YEATS2: variants seen among roughly 807,000 people sequenced by gnomAD.
The protein encoded by YEATS2 is YEATS domain-containing protein 2.
A neutral mutation model predicts 163.2 loss-of-function variants in YEATS2; 77 were observed. The ratio of observed to expected loss-of-function variants is 0.47; its 90% confidence interval spans 0.39 to 0.57. The LOEUF is 0.57. Ranked by LOEUF, YEATS2 falls within the 20% of genes least tolerant of loss-of-function variation. The probability of loss-of-function intolerance (pLI) is 0.00; values close to 1 mark genes in which losing one functional copy is unlikely to be tolerated. For synonymous variants in YEATS2, 631 were observed against 645.1 expected, an observed-to-expected ratio of 0.98 and a Z score of 0.33; for missense variants, 1,549 against 1,729.8, an observed-to-expected ratio of 0.90 and a Z score of 1.85.
At chr3:183,749,582 A>T (rs116253373) in intron 9 of YEATS2, among the ~76,000 whole-genome samples, 1 of 152,304 alleles carries the variant, frequency 6.6e-6, no homozygotes, top group African/African-American at 2.4e-5. Flanking sequence ...TAATGTCCTC[A>T]GATTTCATCC....
At chr3:183,698,327 C>T (rs780193482) in intron 1 of YEATS2, among the ~76,000 whole-genome samples, 4 of 152,168 alleles carry the variant, frequency 2.6e-5, no homozygotes, top group Non-Finnish European at 5.9e-5. Flanking sequence ...CAAGATTTGG[C>T]CCCAGCACCA....
chr3:183,776,232 C>A (rs1722986646), intron 18 of YEATS2, 109 bp downstream of exon 18: 2 of 1,115,630 alleles, frequency 1.8e-6, no homozygotes. Flanking sequence ...AATACTAACA[C>A]CTTAACCGTG....
chr3:183,749,281 G>A (rs914230047), intron 9 of YEATS2, among the ~76,000 whole-genome samples: 6 of 152,144 alleles, frequency 3.9e-5, no homozygotes, highest in African/African-American at 7.2e-5. Flanking sequence ...TAAAAAACAC[G>A]TAACACAAAA....
chr3:183,808,245 GTTTT>G (rs1435607850), intron 29 of YEATS2, 141 bp downstream of exon 29: 2 of 649,524 alleles, frequency 3.1e-6, no homozygotes, highest in Non-Finnish European at 5.1e-6. Context: ...CTCTCTTTTT[GTTTT>G]TTTGTTTTTT....
intron 13 of YEATS2, among the ~76,000 whole-genome samples, chr3:183,760,608 C>T (rs1020399308): frequency 3.3e-5 from 5 of 152,112 alleles, no homozygotes; most frequent in South Asian, 2.1e-4. Flanking sequence ...AGGCGTGAGC[C>T]GCTGCGCCTG....
chr3:183,790,709 G>T lies in YEATS2; in HGVS notation c.2914-88G>T, dbSNP rs571346392. 10 of 1,393,782 alleles carry T rather than the reference G, an allele frequency of 7.2e-6. No individual in the cohort carries two copies. In the African/African-American group the frequency reaches 1.0e-4, roughly 14 times the overall value. The allele number at this position is 1,393,782 out of a possible 1,614,324, so 86.3% of individuals were successfully genotyped here. A position where few individuals can be genotyped will look rare whatever the true frequency, so the allele number is the denominator to read the frequency against. On this transcript the variant is annotated intron_variant, in intron 20 of 30. Transcript: ENST00000305135. ...ATTAACACCTAATAGATGATATTTA[G>T]TGTGTGTGCTGTGTGGCCGTCACCG...
At chr3:183,792,165 A>G (rs1724715849) in intron 21 of YEATS2, among the ~76,000 whole-genome samples, 1 of 152,204 alleles carries the variant, frequency 6.6e-6, no homozygotes, top group Admixed American at 6.5e-5. Context: ...TCTAGGATAC[A>G]TGTGTAGAAC....
At chr3:183,754,015 C>A in intron 10 of YEATS2, 111 bp from the exon 11 acceptor site, 1 of 1,340,296 alleles carries the variant, frequency 7.5e-7, no homozygotes, top group African/African-American at 1.5e-5. Context: ...GCTACCAGTA[C>A]ATGGTTTAAA....
At chr3:183,710,056 T>C (rs1486601628) in intron 1 of YEATS2, among the ~76,000 whole-genome samples, 1 of 152,216 alleles carries the variant, frequency 6.6e-6, no homozygotes, top group Non-Finnish European at 1.5e-5. Context: ...TATTTCCGTA[T>C]TCAGTTTTTG....
At chr3:183,708,243 C>T (rs1714826304) in intron 1 of YEATS2, among the ~76,000 whole-genome samples, 1 of 147,904 alleles carries the variant, frequency 6.8e-6, no homozygotes, top group Non-Finnish European at 1.5e-5. Context: ...CTCACTGCAA[C>T]CTCTGCCTCC....
At chr3:183,792,743 A>T (rs1375403370) in intron 21 of YEATS2, among the ~76,000 whole-genome samples, 1 of 152,116 alleles carries the variant, frequency 6.6e-6, no homozygotes, top group African/African-American at 2.4e-5. Context: ...TCCTGACCTC[A>T]GGTGATCCGC....
intron 10 of YEATS2, among the ~76,000 whole-genome samples, chr3:183,753,660 A>G (rs1720414300): frequency 6.6e-6 from 1 of 152,220 alleles, no homozygotes; most frequent in Non-Finnish European, 1.5e-5. Context: ...AGGCACAAGA[A>G]TTGCTTGAAC....
At chr3:183,799,735 TA>T (rs1234716977) in intron 23 of YEATS2, among the ~76,000 whole-genome samples, 1 of 151,842 alleles carries the variant, frequency 6.6e-6, no homozygotes. Context: ...TGAAAGTTGA[TA>T]AACTAGCTGG....
intron 17 of YEATS2, 145 bp from the exon 18 acceptor site, chr3:183,775,770 G>A (rs1359575177): frequency 1.7e-5 from 21 of 1,207,560 alleles, no homozygotes; most frequent in Non-Finnish European, 2.5e-5. Flanking sequence ...CACAGGGTAG[G>A]TAGATTACAG....
intron 8 of YEATS2, 94 bp downstream of exon 8, chr3:183,736,923 C>A: frequency 1.8e-6 from 2 of 1,124,546 alleles, no homozygotes; most frequent in Non-Finnish European, 2.5e-6. Flanking sequence ...GACCCCCTCG[C>A]ATTAAAAAAT....
chr3:183,792,418 C>T (rs1415330358), intron 21 of YEATS2, among the ~76,000 whole-genome samples: 2 of 152,096 alleles, frequency 1.3e-5, no homozygotes, highest in African/African-American at 4.8e-5. Flanking sequence ...TTCCTGTGTT[C>T]GTTTGCTGAT....
intron 9 of YEATS2, among the ~76,000 whole-genome samples, chr3:183,749,984 AT>A (rs879853784): frequency 1.3e-3 from 193 of 144,716 alleles, no homozygotes; most frequent in Middle Eastern, 7.2e-3. Flanking sequence ...CGCCCGGCTA[AT>A]TTTTTTTTTT....
At chr3:183,791,814 C>T (rs1577202746) in intron 21 of YEATS2, among the ~76,000 whole-genome samples, 2 of 152,170 alleles carry the variant, frequency 1.3e-5, no homozygotes, top group East Asian at 3.8e-4. Context: ...TGTGCCTGCA[C>T]TAGAGGGCCT....
chr3:183,790,887 G>A lies in YEATS2; in HGVS notation c.3004G>A (p.Val1002Met), dbSNP rs150604664. The A allele has an allele frequency of 1.5e-4, 248 of 1,614,144 alleles. No homozygotes were observed. The African/African-American group carries it at 2.7e-3, about 18-fold the overall frequency. ...QQQVCVSQAT[V>M]GTCKAATPTV... ...GCAAGTGTGTGTGAGCCAGGCCACC[G>A]TGGGAACCTGCAAGGCTGCCACCCC... Residue 1002 changes from valine (V) to methionine (M), a missense_variant, in exon 21 of 31, where the codon GTG becomes ATG. Transcript: ENST00000305135.
Sources: gnomAD v4.1 joint callset for allele counts (sites outside exome capture counted in the v4.1 genomes callset) on GRCh38, gnomAD v4.1.1 for gene constraint, MANE v1.5 for transcripts, NCBI Gene and HGNC (gene_info 2026-07-23, HGNC 2026-07-21) for gene names.